The following SIMC1 variants were observed in gnomAD, a reference collection of about 807,000 sequenced individuals.
The protein encoded by SIMC1 is SUMO interacting motifs containing 1, also known as SUMO-interacting motif-containing protein 1.
SIMC1 carries 55 observed loss-of-function variants against 82.3 expected under a neutral mutation model. The observed-to-expected ratio is 0.67, with a 90% confidence interval of 0.54 to 0.84. The LOEUF is 0.84. Among genes scored for constraint, SIMC1 ranks in the 40% least tolerant of loss-of-function variants. The probability of loss-of-function intolerance (pLI) is 0.00; values close to 1 mark genes in which losing one functional copy is unlikely to be tolerated. For missense variants in SIMC1, 915 were observed against 1,107.2 expected (o/e 0.83, Z 2.46); for synonymous variants, 353 against 426.3 (o/e 0.83, Z 2.12).
chr5:176,328,527 G>T (rs147859580), intron 7 of SIMC1, among the ~76,000 whole-genome samples: 1 of 151,840 alleles, frequency 6.6e-6, no homozygotes, highest in Non-Finnish European at 1.5e-5. Context: ...TTTATGCCTG[G>T]GGTTCAACAT....
chr5:176,286,594 A>G lies in SIMC1; in HGVS notation c.130-3060A>G, dbSNP rs187163960. ...AGGCATAGGCAAAGACTTCATGTCT[A>G]AAACACCAAAAGCAATGGCAGCAAA... is the stretch of plus-strand genomic sequence containing the variant. On this transcript the variant is annotated intron_variant, in intron 1 of 9. Coordinates refer to ENST00000429602, the MANE Select transcript of SIMC1 (RefSeq NM_001308195.2). Among the ~76,000 whole-genome samples the G allele has an allele frequency of 3.7e-3, 557 of 152,368 alleles. 2 individuals carry two copies. The highest frequency in any genetic ancestry group is 0.013 in the African/African-American group (529 of 41,586).
intron 5 of SIMC1, among the ~76,000 whole-genome samples, chr5:176,315,070 C>G (rs957765179): frequency 6.6e-6 from 1 of 152,010 alleles, no homozygotes; most frequent in African/African-American, 2.4e-5. Flanking sequence ...TGTCTTAGTC[C>G]CTTTGTTTTG....
intron 1 of SIMC1, among the ~76,000 whole-genome samples, chr5:176,279,965 A>G (rs991125079): frequency 6.6e-6 from 1 of 151,950 alleles, no homozygotes; most frequent in Non-Finnish European, 1.5e-5. Flanking sequence ...TTTGGGGTGG[A>G]GAGTTCTGTA....
chr5:176,314,056 C>G (rs921525663), intron 5 of SIMC1, among the ~76,000 whole-genome samples: 1 of 152,144 alleles, frequency 6.6e-6, no homozygotes, highest in Non-Finnish European at 1.5e-5. Context: ...CATTTGAGGT[C>G]AGGAGTTCGA....
chr5:176,251,830 T>G (rs1250484478), intron 1 of SIMC1, among the ~76,000 whole-genome samples: 2 of 150,684 alleles, frequency 1.3e-5, no homozygotes, highest in Non-Finnish European at 3.0e-5. Context: ...AAGCACATCT[T>G]GCACCGCCCT....
chr5:176,321,372 G>A (rs1374517530), intron 5 of SIMC1, among the ~76,000 whole-genome samples: 1 of 151,512 alleles, frequency 6.6e-6, no homozygotes, highest in East Asian at 1.9e-4. Context: ...TCACCTGGGA[G>A]GCGGAGCTTG....
chr5:176,248,390 A>G (rs1376262745), intron 1 of SIMC1, among the ~76,000 whole-genome samples: 1 of 152,100 alleles, frequency 6.6e-6, no homozygotes, highest in Non-Finnish European at 1.5e-5. Flanking sequence ...GAGCTTGCTC[A>G]TGATTTGGCT....
chr5:176,247,331 T>G (rs1761485470), intron 1 of SIMC1, among the ~76,000 whole-genome samples: 1 of 152,208 alleles, frequency 6.6e-6, no homozygotes, highest in Non-Finnish European at 1.5e-5. Flanking sequence ...ATCATTGTGC[T>G]TTTGATTTGC....
chr5:176,304,905 C>G (rs1764228626), intron 4 of SIMC1, among the ~76,000 whole-genome samples: 1 of 144,304 alleles, frequency 6.9e-6, no homozygotes, highest in African/African-American at 2.5e-5. Context: ...ACGAGCGTCT[C>G]TGCCCGGCCG....
chr5:176,340,476 A>G (rs1766088065), intron 9 of SIMC1, among the ~76,000 whole-genome samples: 1 of 152,236 alleles, frequency 6.6e-6, no homozygotes, highest in African/African-American at 2.4e-5. Flanking sequence ...TCTGGCCAGC[A>G]TAGCTTGCAG....
chr5:176,289,028 G>T (rs550654554), intron 1 of SIMC1, among the ~76,000 whole-genome samples: 2 of 152,104 alleles, frequency 1.3e-5, no homozygotes, highest in Admixed American at 6.5e-5. Context: ...TTTCATATCT[G>T]TTTCTAGGTT....
intron 7 of SIMC1, 28 bp downstream of exon 7, chr5:176,324,785 A>G (rs1470400068): frequency 2.6e-6 from 4 of 1,515,070 alleles, no homozygotes; most frequent in Non-Finnish European, 8.8e-7. Context: ...TGGGGAGAGC[A>G]GTTATTTAAA....
At chr5:176,303,172 T>C (rs1764113991) in intron 4 of SIMC1, among the ~76,000 whole-genome samples, 1 of 150,992 alleles carries the variant, frequency 6.6e-6, no homozygotes, top group Non-Finnish European at 1.5e-5. Context: ...GGAGGCTGAG[T>C]CCAGAGAATT....
chr5:176,262,278 TTAAAA>T (rs1393140715), intron 1 of SIMC1, among the ~76,000 whole-genome samples: 4 of 70,784 alleles, frequency 5.7e-5, no homozygotes, highest in African/African-American at 2.1e-4. Context: ...CATTCATGAT[TTAAAA>T]AAAAAAAAAA....
At chr5:176,243,538 A>G (rs1581210369) in intron 1 of SIMC1, among the ~76,000 whole-genome samples, 1 of 149,752 alleles carries the variant, frequency 6.7e-6, no homozygotes, top group African/African-American at 2.5e-5. Flanking sequence ...TTTTTTGGAG[A>G]TGGAGTCTTG....
In SIMC1 at chr5:176,290,311, C is replaced by G; in HGVS notation, c.787C>G (p.His263Asp). Residue 263 changes from histidine to aspartate, a missense_variant, in exon 2 of 10, where the codon CAC becomes GAC. Physicochemically the swap from His to Asp is moderately conservative, Grantham distance 81 (BLOSUM62 -1). This residue lies in a region of SIMC1 where 902 missense variants were observed against 1,040.3 expected (regional missense o/e 0.87). Coordinates refer to ENST00000429602, the MANE Select transcript of SIMC1 (RefSeq NM_001308195.2). Reference protein sequence around the residue: ...TMQCQLPALTHPPQEVPCPRQ... With the variant: ...TMQCQLPALTDPPQEVPCPRQ... ...GCAGTGCCAACTACCAGCTCTAACT[C>G]ACCCACCTCAAGAAGTGCCATGCCC... 2 of 1,613,922 alleles carry G rather than the reference C, an allele frequency of 1.2e-6. No individual in the cohort carries two copies. Among genetic ancestry groups the G allele is most frequent in the South Asian group, 1.1e-5 (1 of 91,068 alleles).
intron 4 of SIMC1, chr5:176,308,479 A>G (rs756365074): frequency 1.1e-5 from 17 of 1,607,754 alleles, no homozygotes; most frequent in Non-Finnish European, 1.4e-5. Context: ...GTTCGCACCC[A>G]AGCCATGTAC....
intron 1 of SIMC1, among the ~76,000 whole-genome samples, chr5:176,241,131 G>T (rs1761261342): frequency 1.5e-5 from 1 of 64,786 alleles, no homozygotes; most frequent in Non-Finnish European, 3.2e-5. Flanking sequence ...GAGTCGATGA[G>T]GTGTGTTTCT....
intron 5 of SIMC1, among the ~76,000 whole-genome samples, chr5:176,320,989 C>A (rs749459774): frequency 1.3e-5 from 2 of 152,120 alleles, no homozygotes; most frequent in African/African-American, 4.8e-5. Flanking sequence ...AAGCCCTTGA[C>A]AATTACCTCA....
Sources: allele counts gnomAD v4.1 joint callset (sites outside exome capture counted in the v4.1 genomes callset), GRCh38; gene constraint gnomAD v4.1.1; regional missense constraint gnomAD v4.1.1; transcripts MANE v1.5; gene names NCBI Gene and HGNC (gene_info 2026-07-23, HGNC 2026-07-21).